The following TNS1 variants were observed in gnomAD, a reference collection of about 807,000 sequenced individuals.
TNS1 encodes tensin-1.
Under a neutral mutation model 168.6 loss-of-function variants are expected in TNS1, and 62 were observed. The ratio of observed to expected loss-of-function variants is 0.37; its 90% CI spans 0.30 to 0.45. The LOEUF is 0.45. Among genes scored for constraint, TNS1 ranks in the 20% least tolerant of loss-of-function variants. TNS1 has a pLI of 1.00. For missense variants in TNS1, 2,240 were observed against 2,339.4 expected (o/e 0.96, Z 0.88); for synonymous variants, 934 against 933.2 (o/e 1.00, Z -0.02).
chr2:217,820,745 T>C (rs953435455), intron 23 of TNS1, among the ~76,000 whole-genome samples: 8 of 152,080 alleles, frequency 5.3e-5, no homozygotes, highest in Non-Finnish European at 1.2e-4. Context: ...ATCCCATCTC[T>C]TTGTCCCCTC....
chr2:217,837,460 CACTT>C (rs1034777417), intron 19 of TNS1, among the ~76,000 whole-genome samples: 14 of 152,242 alleles, frequency 9.2e-5, no homozygotes, highest in Non-Finnish European at 1.3e-4. Flanking sequence ...GGCAGACACA[CACTT>C]ACACTCACAT....
At chr2:217,982,109 G>A (rs1014873133) in intron 2 of TNS1, among the ~76,000 whole-genome samples, 43 of 152,194 alleles carry the variant, frequency 2.8e-4, no homozygotes, top group African/African-American at 7.7e-4. Context: ...GGGGAAGCCA[G>A]TGACCATGTC....
intron 19 of TNS1, among the ~76,000 whole-genome samples, chr2:217,839,360 T>C (rs1945622874): frequency 6.6e-6 from 1 of 152,082 alleles, no homozygotes; most frequent in Admixed American, 6.5e-5. Flanking sequence ...CCCACAGCCC[T>C]GCCAGGATGA....
intron 27 of TNS1, among the ~76,000 whole-genome samples, chr2:217,812,724 C>T (rs967131780): frequency 6.6e-5 from 10 of 152,330 alleles, no homozygotes; most frequent in African/African-American, 1.9e-4. Context: ...TACTGGGGCT[C>T]CTCTGAGAAC....
intron 3 of TNS1, among the ~76,000 whole-genome samples, chr2:217,952,787 G>A (rs1488642077): frequency 2.0e-5 from 3 of 152,164 alleles, no homozygotes; most frequent in African/African-American, 7.2e-5. Flanking sequence ...TCATGGATGC[G>A]AACAGGATTG....
At chr2:217,807,626 C>A (rs1939420325) in intron 32 of TNS1, among the ~76,000 whole-genome samples, 1 of 152,200 alleles carries the variant, frequency 6.6e-6, no homozygotes, top group African/African-American at 2.4e-5. Context: ...CCAGGGCCAT[C>A]CCCAGAATTC....
chr2:217,961,235 TCA>T (rs146341310), intron 3 of TNS1, among the ~76,000 whole-genome samples: 3,172 of 144,596 alleles, frequency 0.022, 109 homozygotes, highest in African/African-American at 0.078. Context: ...TCTCTCTCTC[TCA>T]CACACACACA....
At chr2:218,015,312 CAGCCTTAT>C (rs1222246498), upstream of TNS1, among the ~76,000 whole-genome samples, 1 of 151,786 alleles carries the variant, frequency 6.6e-6, no homozygotes, top group Admixed American at 6.6e-5. Flanking sequence ...TTCCATAGCA[CAGCCTTAT>C]AGCCAGAAAA....
chr2:217,992,937 G>A (rs1958404132), intron 1 of TNS1, among the ~76,000 whole-genome samples: 1 of 152,184 alleles, frequency 6.6e-6, no homozygotes, highest in South Asian at 2.1e-4. Context: ...CAGAAATGCA[G>A]TCATCGCCAC....
chr2:217,888,145 C>T (rs560258997), intron 12 of TNS1, among the ~76,000 whole-genome samples: 2 of 152,220 alleles, frequency 1.3e-5, no homozygotes, highest in African/African-American at 4.8e-5. Context: ...CCCCATTACT[C>T]AAGCCGGAAA....
At chr2:217,920,713 A>G (rs1955623203) in intron 3 of TNS1, among the ~76,000 whole-genome samples, 2 of 152,172 alleles carry the variant, frequency 1.3e-5, no homozygotes, top group South Asian at 4.1e-4. Flanking sequence ...TCTCACCCAA[A>G]GGTCAGAGCT....
chr2:217,920,944 T>C (rs6731585), intron 3 of TNS1, among the ~76,000 whole-genome samples: 9,971 of 150,670 alleles, frequency 0.066, 710 homozygotes, highest in African/African-American at 0.18. Context: ...CAACTTGAAC[T>C]TCCAGACAGA....
At chr2:217,834,271 C>A (rs1574704410) in intron 21 of TNS1, among the ~76,000 whole-genome samples, 1 of 152,216 alleles carries the variant, frequency 6.6e-6, no homozygotes, top group Non-Finnish European at 1.5e-5. Flanking sequence ...CTCCAGTTCT[C>A]CCTCCTCTCA....
chr2:217,835,549 TC>T (rs1444094891), intron 20 of TNS1, among the ~76,000 whole-genome samples: 1 of 152,150 alleles, frequency 6.6e-6, no homozygotes, highest in Non-Finnish European at 1.5e-5. Flanking sequence ...TTTAACAAGC[TC>T]CCCATTGGTT....
intron 12 of TNS1, among the ~76,000 whole-genome samples, chr2:217,887,791 C>A (rs1406729588): frequency 6.6e-6 from 1 of 152,222 alleles, no homozygotes; most frequent in African/African-American, 2.4e-5. Flanking sequence ...TGGGCTCCAA[C>A]GCATCTGCCC....
upstream of TNS1, among the ~76,000 whole-genome samples, chr2:218,007,644 A>G (rs545163545): frequency 2.6e-5 from 4 of 151,510 alleles, no homozygotes; most frequent in African/African-American, 9.7e-5. Flanking sequence ...ATGGGTCAGG[A>G]TGAGACCAAC....
At chr2:217,829,712 GGAAGGCC>G in intron 22 of TNS1, 2 of 1,005,474 alleles carry the variant, frequency 2.0e-6, no homozygotes, top group Admixed American at 1.9e-5. Flanking sequence ...TTGGGGGACA[GGAAGGCC>G]ATGTGCCTGG....
chr2:217,962,753 C>A (rs894080855), intron 3 of TNS1, among the ~76,000 whole-genome samples: 5 of 152,102 alleles, frequency 3.3e-5, no homozygotes, highest in African/African-American at 1.2e-4. Context: ...CCAAAAGTGC[C>A]AAACTCATCA....
intron 3 of TNS1, among the ~76,000 whole-genome samples, chr2:217,974,164 T>C (rs1211620394): frequency 1.3e-5 from 2 of 152,236 alleles, no homozygotes; most frequent in Non-Finnish European, 2.9e-5. Flanking sequence ...GGTTGCTTTT[T>C]GGGTGCTGGG....
Sources: allele counts gnomAD v4.1 joint callset (sites outside exome capture counted in the v4.1 genomes callset), GRCh38; gene constraint gnomAD v4.1.1; transcripts MANE v1.5; gene names NCBI Gene and HGNC (gene_info 2026-07-23, HGNC 2026-07-21).